Variants in ZNF69 observed in about 807,000 individuals in gnomAD.
ZNF69 encodes zinc finger protein 69, also known as ZNF3.
Under a neutral mutation model 50.9 loss-of-function variants are expected in ZNF69, and 47 were observed. The observed-to-expected ratio is 0.92, with a 90% confidence interval of 0.73 to 1.18. The LOEUF is 1.18. Ranked by LOEUF, ZNF69 falls within the 50% of genes most tolerant of loss-of-function variation. The pLI is 0.00. For missense variants in ZNF69, 717 were observed against 675.1 expected (o/e 1.06, Z -0.69); for synonymous variants, 216 against 223.1 (o/e 0.97, Z 0.29).
At chr19:11,957,091 G>GT in the ZNF69 span, among the ~76,000 whole-genome samples, 79 of 146,706 alleles carry the variant, frequency 5.4e-4, no homozygotes, top group East Asian at 2.6e-3. Flanking sequence ...TAAGAAATAA[G>GT]TTTTTTTTTT....
At chr19:11,939,328 A>C in the ZNF69 span, among the ~76,000 whole-genome samples, 1,920 of 152,254 alleles carry the variant, frequency 0.013, 23 homozygotes, top group South Asian at 0.024. Context: ...GGTATTGCCT[A>C]GGTTTTCTTC....
chr19:11,977,042 C>G, the ZNF69 span: 1 of 1,614,060 alleles, frequency 6.2e-7, no homozygotes, highest in Non-Finnish European at 8.5e-7. Context: ...TTTCAGGACC[C>G]TGTGGCCTGT....
the ZNF69 span, chr19:11,950,257 G>C: frequency 1.2e-6 from 2 of 1,603,318 alleles, no homozygotes; most frequent in Non-Finnish European, 8.5e-7. Flanking sequence ...CAGCTAGCCT[G>C]GTTCCTTTTA....
the ZNF69 span, chr19:11,978,450 GA>G: frequency 6.2e-7 from 1 of 1,614,128 alleles, no homozygotes; most frequent in Non-Finnish European, 8.5e-7. Flanking sequence ...TGCTTGTAAA[GA>G]ATGTGGAAAA....
downstream of ZNF69, among the ~76,000 whole-genome samples, chr19:11,919,112 G>T (rs1972545603): frequency 6.6e-6 from 1 of 151,998 alleles, no homozygotes; most frequent in African/African-American, 2.4e-5. Context: ...AGCCAGGATG[G>T]TCTCAATCTC....
At chr19:11,892,375 A>C in intron 1 of ZNF69, among the ~76,000 whole-genome samples, 1 of 152,092 alleles carries the variant, frequency 6.6e-6, no homozygotes, top group Middle Eastern at 3.2e-3. Flanking sequence ...TAAAAGAGTG[A>C]ATTCAACATT....
chr19:11,947,147 AC>A, the ZNF69 span: 1 of 1,606,348 alleles, frequency 6.2e-7, no homozygotes, highest in Non-Finnish European at 8.5e-7. Context: ...TGTCACTCTC[AC>A]CCATCTTCCT....
At chr19:11,898,819 G>A (rs900829367) in intron 1 of ZNF69, among the ~76,000 whole-genome samples, 1 of 152,138 alleles carries the variant, frequency 6.6e-6, no homozygotes, top group Admixed American at 6.5e-5. Context: ...AGGCAACATA[G>A]CAAGACCCTG....
In ZNF69 at chr19:11,888,881, G is replaced by C. The variant is rs534880652; in HGVS notation, c.63+895G>C. The stretch of plus-strand genomic sequence containing the variant: ...CCAGCTACTCGGGAGGCTGAGACAA[G>C]AGAATTACTTGAATCCAGGAGACAG... On this transcript the variant is annotated intron_variant, in intron 1 of 3. Transcript: ENST00000429654. Among the ~76,000 whole-genome samples, 18 of 152,262 alleles carry C rather than the reference G, an allele frequency of 1.2e-4. No homozygotes were observed. The South Asian group carries it at 3.5e-3, about 30-fold the overall frequency.
chr19:11,975,364 G>T, the ZNF69 span, among the ~76,000 whole-genome samples: 15 of 151,724 alleles, frequency 9.9e-5, 1 homozygote, highest in Admixed American at 7.2e-4. Flanking sequence ...GTGAGCCACT[G>T]CACCCGGCCA....
chr19:11,932,436 AGT>A, the ZNF69 span, among the ~76,000 whole-genome samples: 1 of 148,490 alleles, frequency 6.7e-6, no homozygotes, highest in African/African-American at 2.6e-5. Context: ...TTCTGTATAG[AGT>A]GTGCATTCTA....
the ZNF69 span, chr19:11,925,015 A>AC: frequency 5.7e-6 from 3 of 527,824 alleles, no homozygotes; most frequent in African/African-American, 4.8e-5. Context: ...TGTCACTCAG[A>AC]TGTGGGGGGC....
At chr19:11,946,926 G>C in the ZNF69 span, 4 of 588,260 alleles carry the variant, frequency 6.8e-6, no homozygotes, top group Admixed American at 1.3e-4. Flanking sequence ...CTTGAACCCC[G>C]GTGGTGAGCC....
At chr19:11,890,910 T>C (rs1257947267) in intron 1 of ZNF69, among the ~76,000 whole-genome samples, 2 of 152,186 alleles carry the variant, frequency 1.3e-5, no homozygotes, top group Non-Finnish European at 2.9e-5. Flanking sequence ...AAGGTTCAGA[T>C]TTCAGTTTGA....
At chr19:11,891,320 G>A (rs1387516122) in intron 1 of ZNF69, among the ~76,000 whole-genome samples, 3 of 150,996 alleles carry the variant, frequency 2.0e-5, no homozygotes, top group South Asian at 4.2e-4. Context: ...CCACGTACTC[G>A]GGAGGCAAGC....
Position 11,906,073 on chromosome 19 carries a change from A to G in ZNF69, c.1676A>G (p.Asp559Gly), listed in dbSNP as rs1972367961. ...LRMHGRTHPEDKPYECKQ is the reference protein window; with the variant it reads ...LRMHGRTHPEGKPYECKQ ...ATGCATGGTAGGACTCACCCTGAAG[A>G]TAAACCCTATGAGTGTAAGCAATGA... The change falls in exon 4 of 4, where the codon GAT becomes GGT. Residue 559 changes from aspartate to glycine, a missense_variant. Physicochemically the swap from Asp to Gly is moderately conservative, Grantham distance 94. Coordinates refer to ENST00000429654, the MANE Select transcript of ZNF69 (RefSeq NM_001364730.1). 1 of 1,612,814 alleles carries G rather than the reference A, an allele frequency of 6.2e-7. No homozygotes were observed. The highest frequency in any genetic ancestry group is 8.5e-7 in the Non-Finnish European group (1 of 1,179,538).
chr19:11,965,926 G>T, the ZNF69 span, among the ~76,000 whole-genome samples: 1 of 152,152 alleles, frequency 6.6e-6, no homozygotes, highest in African/African-American at 2.4e-5. Context: ...TGGAAGGGGG[G>T]TTAGAAGGCA....
chr19:11,930,401 T>G, the ZNF69 span, among the ~76,000 whole-genome samples: 77 of 148,534 alleles, frequency 5.2e-4, 2 homozygotes, highest in Non-Finnish European at 1.0e-3. Context: ...ATATGTGAGT[T>G]GACCACATGG....
the ZNF69 span, among the ~76,000 whole-genome samples, chr19:11,958,271 A>G: frequency 0.016 from 1,859 of 112,900 alleles, 21 homozygotes; most frequent in South Asian, 0.025. Flanking sequence ...AACTTGAGTA[A>G]GGTGTTGTAC....
Sources: allele counts gnomAD v4.1 joint callset (sites outside exome capture counted in the v4.1 genomes callset), GRCh38; gene constraint gnomAD v4.1.1; transcripts MANE v1.5; gene names NCBI Gene and HGNC (gene_info 2026-07-23, HGNC 2026-07-21).